GPC6: variants seen among roughly 807,000 people sequenced by gnomAD.
GPC6 encodes the protein glypican 6, also known as glypican-6.
In GPC6, 14 loss-of-function variants were observed where a neutral mutation model predicts 55.2. The ratio of observed to expected loss-of-function variants is 0.25; its 90% CI spans 0.17 to 0.40. GPC6 has a LOEUF of 0.40. Ranked by LOEUF, GPC6 falls within the 10% of genes least tolerant of loss-of-function variation. The pLI, the probability that GPC6 is intolerant of heterozygous loss-of-function variation, is 1.00. For missense variants in GPC6, 641 were observed against 708.5 expected, an observed-to-expected ratio of 0.90 and a Z score of 1.08; for synonymous variants, 278 against 259.6, an observed-to-expected ratio of 1.07 and a Z score of -0.68.
At chr13:93,899,949 T>A (rs1876253773) in intron 3 of GPC6, among the ~76,000 whole-genome samples, 1 of 152,166 alleles carries the variant, frequency 6.6e-6, no homozygotes, top group South Asian at 2.1e-4. Flanking sequence ...AAATAATACA[T>A]TAGATAATTA....
chr13:93,238,260 C>T (rs1336466122), intron 1 of GPC6, among the ~76,000 whole-genome samples: 1 of 152,004 alleles, frequency 6.6e-6, no homozygotes, highest in Non-Finnish European at 1.5e-5. Flanking sequence ...TTTTGTAGCT[C>T]TCCTTGTAGA....
chr13:93,337,095 G>C (rs1880072586), intron 1 of GPC6, among the ~76,000 whole-genome samples: 1 of 152,176 alleles, frequency 6.6e-6, no homozygotes, highest in Non-Finnish European at 1.5e-5. Context: ...TCAGTGTCCT[G>C]TTCCAGTGGC....
chr13:93,279,197 T>G (rs1877863893), intron 1 of GPC6, among the ~76,000 whole-genome samples: 1 of 152,170 alleles, frequency 6.6e-6, no homozygotes, highest in African/African-American at 2.4e-5. Context: ...TGACACAGAT[T>G]GCCAGACCTC....
intron 3 of GPC6, among the ~76,000 whole-genome samples, chr13:93,923,018 A>T (rs1276311765): frequency 2.6e-5 from 4 of 152,228 alleles, no homozygotes; most frequent in African/African-American, 9.6e-5. Flanking sequence ...AGCCATAAAC[A>T]TCTTCTTATT....
intron 5 of GPC6, among the ~76,000 whole-genome samples, chr13:94,294,449 A>AC (rs1875210236): frequency 6.6e-6 from 1 of 151,608 alleles, no homozygotes; most frequent in Non-Finnish European, 1.5e-5. Context: ...AAAAAAAAAA[A>AC]AAAAAAACCC....
At chr13:93,342,431 A>G (rs527768065) in intron 1 of GPC6, among the ~76,000 whole-genome samples, 3 of 152,256 alleles carry the variant, frequency 2.0e-5, no homozygotes, top group Admixed American at 6.5e-5. Context: ...TGTATGCAGG[A>G]GAACTGCCCT....
chr13:93,564,970 C>G (rs1876016442), intron 2 of GPC6, among the ~76,000 whole-genome samples: 1 of 152,036 alleles, frequency 6.6e-6, no homozygotes, highest in Non-Finnish European at 1.5e-5. Context: ...AACCTGAAAC[C>G]TTAGATAGTA....
chr13:94,313,551 C>G (rs775239010), intron 6 of GPC6, among the ~76,000 whole-genome samples: 2 of 152,198 alleles, frequency 1.3e-5, no homozygotes, highest in Non-Finnish European at 2.9e-5. Context: ...AGAGTACACT[C>G]ACTCTGGCTA....
chr13:94,184,737 T>G (rs1189723409), intron 4 of GPC6, among the ~76,000 whole-genome samples: 1 of 152,072 alleles, frequency 6.6e-6, no homozygotes, highest in Non-Finnish European at 1.5e-5. Context: ...TTTGGAGTTT[T>G]CCCAAAAAAA....
intron 1 of GPC6, among the ~76,000 whole-genome samples, chr13:93,356,235 T>C (rs1284480136): frequency 1.3e-5 from 2 of 152,198 alleles, no homozygotes; most frequent in Admixed American, 1.3e-4. Flanking sequence ...ACAATTAATC[T>C]TCTAGCTCAT....
chr13:93,338,518 G>T (rs911965958), intron 1 of GPC6, among the ~76,000 whole-genome samples: 1 of 152,076 alleles, frequency 6.6e-6, no homozygotes, highest in Non-Finnish European at 1.5e-5. Context: ...GCCTTTGCTG[G>T]ATTTTAGAAT....
chr13:93,255,468 G>T (rs1053087365), intron 1 of GPC6, among the ~76,000 whole-genome samples: 2 of 151,942 alleles, frequency 1.3e-5, no homozygotes, highest in African/African-American at 4.8e-5. Flanking sequence ...TCTTAAAATT[G>T]ATCTGTACAA....
intron 1 of GPC6, among the ~76,000 whole-genome samples, chr13:93,485,138 A>G (rs1445051465): frequency 6.6e-6 from 1 of 152,210 alleles, no homozygotes; most frequent in African/African-American, 2.4e-5. Context: ...TTTTAAAGGA[A>G]TTAATTCTTG....
Position 94,051,256 on chromosome 13 carries a change from T to C in GPC6, c.877+23362T>C, listed in dbSNP as rs117754771. Among the ~76,000 whole-genome samples, 628 of 152,306 alleles carry C rather than the reference T, an allele frequency of 4.1e-3. 18 individuals are homozygous for C. In the South Asian group the frequency reaches 0.076, roughly 18 times the overall value. On this transcript the variant is annotated intron_variant, in intron 4 of 8. Coordinates refer to ENST00000377047, the MANE Select transcript of GPC6 (RefSeq NM_005708.5). The stretch of plus-strand genomic sequence containing the variant: ...GCTAATAAGGTTGAAGTGTCAAGTT[T>C]TCAAATGCATTATAATCTTAGCACA...
intron 1 of GPC6, among the ~76,000 whole-genome samples, chr13:93,503,436 A>G (rs117714098): frequency 0.028 from 4,274 of 152,314 alleles, 90 homozygotes; most frequent in Admixed American, 0.043. Flanking sequence ...CTGCAGGGAT[A>G]GCAGTTATTT....
chr13:93,638,568 C>T (rs1029978658), intron 2 of GPC6, among the ~76,000 whole-genome samples: 2 of 151,976 alleles, frequency 1.3e-5, no homozygotes, highest in African/African-American at 4.8e-5. Flanking sequence ...TAACTCTTTC[C>T]AAGGCATACC....
intron 4 of GPC6, among the ~76,000 whole-genome samples, chr13:94,230,870 C>T (rs536380865): frequency 6.6e-6 from 1 of 152,166 alleles, no homozygotes; most frequent in Non-Finnish European, 1.5e-5. Flanking sequence ...GCATCTTTCA[C>T]TTCAATCTTT....
intron 6 of GPC6, among the ~76,000 whole-genome samples, chr13:94,325,131 A>T (rs1265291411): frequency 6.6e-6 from 1 of 152,088 alleles, no homozygotes; most frequent in Non-Finnish European, 1.5e-5. Flanking sequence ...GGGGAAAAGA[A>T]AAGGGAAGGA....
intron 6 of GPC6, among the ~76,000 whole-genome samples, chr13:94,343,824 A>G (rs933117664): frequency 1.3e-5 from 2 of 152,018 alleles, no homozygotes; most frequent in African/African-American, 4.8e-5. Flanking sequence ...CAACTTCCCC[A>G]GGCTCAGGTG....
Sources: gnomAD v4.1 joint callset for allele counts (sites outside exome capture counted in the v4.1 genomes callset) on GRCh38, gnomAD v4.1.1 for gene constraint, MANE v1.5 for transcripts, NCBI Gene and HGNC (gene_info 2026-07-23, HGNC 2026-07-21) for gene names.